CHRDL2: variants seen among roughly 807,000 people sequenced by gnomAD.
The protein encoded by CHRDL2 is chordin-like protein 2.
CHRDL2 carries 41 observed loss-of-function variants against 54.3 expected under a neutral mutation model. The observed-to-expected ratio is 0.76, with a 90% CI of 0.59 to 0.98. The LOEUF is 0.98. Among genes scored for constraint, CHRDL2 ranks in the 50% least tolerant of loss-of-function variants. The probability of loss-of-function intolerance (pLI) is 0.00; values close to 1 mark genes in which losing one functional copy is unlikely to be tolerated. For missense variants in CHRDL2, 518 were observed against 562.4 expected, an observed-to-expected ratio of 0.92 and a Z score of 0.80; for synonymous variants, 220 against 224.3, an observed-to-expected ratio of 0.98 and a Z score of 0.17.
intron 9 of CHRDL2, among the ~76,000 whole-genome samples, chr11:74,700,002 G>C (rs998288036): frequency 6.6e-6 from 1 of 152,234 alleles, no homozygotes; most frequent in Non-Finnish European, 1.5e-5. Flanking sequence ...CATGAGCTAT[G>C]CCCCCACTGT....
chr11:74,701,325 A>C (rs2033800757), intron 9 of CHRDL2: 1 of 389,564 alleles, frequency 2.6e-6, no homozygotes, highest in Non-Finnish European at 4.6e-6. Context: ...GTCTGGATTC[A>C]AACTGGCAGA....
chr11:74,708,484 G>T, intron 4 of CHRDL2, 89 bp from the exon 5 acceptor site: 1 of 967,326 alleles, frequency 1.0e-6, no homozygotes, highest in Non-Finnish European at 1.5e-6. Context: ...GGGAGCAAAT[G>T]GCCTTGAGGT....
Position 74,696,467 on chromosome 11 carries a change from A to T in CHRDL2, c.*42T>A. The T allele has an allele frequency of 2.0e-6, 3 of 1,485,412 alleles. No individual in the cohort carries two copies. Among genetic ancestry groups the T allele is most frequent in the Non-Finnish European group, 2.8e-6 (3 of 1,064,096 alleles). 92.0% of individuals were successfully genotyped at this position (1,485,412 alleles called of 1,614,324 possible). On this transcript the variant is annotated 3_prime_UTR_variant, in exon 11 of 11. Coordinates refer to ENST00000376332, the MANE Select transcript of CHRDL2 (RefSeq NM_001278473.3). ...ACTTCTTATTTATTAATATATAATAACAACAATTATACAGCTCATATCTGC... is the reference window on the plus strand; with the variant it reads ...ACTTCTTATTTATTAATATATAATATCAACAATTATACAGCTCATATCTGC...
intron 9 of CHRDL2, 130 bp downstream of exon 9, chr11:74,702,664 G>T (rs1355822943): frequency 3.7e-6 from 3 of 809,928 alleles, no homozygotes; most frequent in African/African-American, 1.7e-5. Flanking sequence ...GGAATCAGGG[G>T]CTCTTAAACC....
At chr11:74,730,048 T>C (rs2034627796) in intron 1 of CHRDL2, among the ~76,000 whole-genome samples, 1 of 152,140 alleles carries the variant, frequency 6.6e-6, no homozygotes, top group Non-Finnish European at 1.5e-5. Flanking sequence ...TCTCCTAGGA[T>C]TTTTACTTCC....
chr11:74,705,356 A>AG (rs927958882), intron 6 of CHRDL2, among the ~76,000 whole-genome samples: 1 of 152,182 alleles, frequency 6.6e-6, no homozygotes, highest in African/African-American at 2.4e-5. Flanking sequence ...GGCAGGGACC[A>AG]GAGCCTATTA....
chr11:74,706,590 G>T, intron 5 of CHRDL2, 48 bp from the exon 6 acceptor site: 2 of 1,591,292 alleles, frequency 1.3e-6, no homozygotes, highest in African/African-American at 1.3e-5. Flanking sequence ...CCCCAGCCTT[G>T]CTGGCTAGAG....
chr11:74,713,346 G>C, intron 3 of CHRDL2, 40 bp downstream of exon 3: 1 of 1,565,054 alleles, frequency 6.4e-7, no homozygotes, highest in Non-Finnish European at 8.8e-7. Context: ...GGGAGTAGGA[G>C]AAAGGTCCAT....
intron 4 of CHRDL2, among the ~76,000 whole-genome samples, chr11:74,709,883 C>T (rs2034129141): frequency 6.6e-6 from 1 of 151,608 alleles, no homozygotes. Context: ...AGGGACTTCT[C>T]CTGCCAATTC....
rs750360392 is a variant in CHRDL2, at chr11:74,713,260, TTG to T, written c.289+124_289+125del. The T allele has an allele frequency of 5.2e-5, 39 of 755,964 alleles. No individual in the cohort carries two copies. In the Middle Eastern group the frequency reaches 7.4e-4, roughly 14 times the overall value. 46.8% of individuals were successfully genotyped at this position (755,964 alleles called of 1,614,324 possible). On this transcript the variant is annotated intron_variant, in intron 3 of 10. Coordinates refer to ENST00000376332, the MANE Select transcript of CHRDL2 (RefSeq NM_001278473.3). ...GGGATATTTCCTCCCTTGAGCACCT[TTG>T]TGTGTCTACACCTCTGATGGGTAGA... is the stretch of plus-strand genomic sequence containing the variant.
chr11:74,702,728 G>A, intron 9 of CHRDL2, 66 bp downstream of exon 9: 1 of 1,549,164 alleles, frequency 6.5e-7, no homozygotes, highest in Non-Finnish European at 8.9e-7. Flanking sequence ...GGCCCCTGTG[G>A]GGTCTGGGGC....
chr11:74,727,327 G>A (rs765011421), intron 1 of CHRDL2, among the ~76,000 whole-genome samples: 5 of 152,184 alleles, frequency 3.3e-5, no homozygotes, highest in Middle Eastern at 3.4e-3. Flanking sequence ...CCATGCCTGC[G>A]TCTAGGGTCC....
Position 74,718,831 on chromosome 11 carries a change from GC to G in CHRDL2, c.83del (p.Arg28ProfsTer28). 6.2e-7 allele frequency: 1 copy of G among 1,605,306 alleles called. No individual in the cohort carries two copies. Among genetic ancestry groups the G allele is most frequent in the South Asian group, 1.1e-5 (1 of 89,612 alleles). ...WFPLDSHARA[R>X]PDMFCLFHGK... ...CATGGAAAAGGCAGAACATGTCTGG[GC>G]CTGGCAAACCGACCAGTGCCATGTT... On this transcript the variant is annotated frameshift_variant and splice_region_variant, in exon 2 of 11. Transcript: ENST00000376332. LOFTEE classifies it high-confidence loss of function.
chr11:74,721,442 C>A (rs2034498377), intron 1 of CHRDL2, among the ~76,000 whole-genome samples: 1 of 152,176 alleles, frequency 6.6e-6, no homozygotes, highest in Non-Finnish European at 1.5e-5. Context: ...GGCCCCTTCC[C>A]CCCACCAACA....
intron 2 of CHRDL2, among the ~76,000 whole-genome samples, chr11:74,717,081 G>A (rs185581889): frequency 4.0e-5 from 6 of 150,174 alleles, no homozygotes; most frequent in Non-Finnish European, 7.4e-5. Flanking sequence ...GTGCCAGAGC[G>A]AGACCCTGTC....
chr11:74,696,554 C>T lies in CHRDL2; in HGVS notation c.1245G>A (p.Leu415=), dbSNP rs749279858. 10 of 1,613,980 alleles carry T rather than the reference C, an allele frequency of 6.2e-6. No homozygotes were observed. Among genetic ancestry groups the T allele is most frequent in the African/African-American group, 1.3e-5 (1 of 74,932 alleles). Residue 415 remains leucine (L), a synonymous_variant, in exon 11 of 11, where the codon CTG becomes CTA. Coordinates refer to ENST00000376332, the MANE Select transcript of CHRDL2 (RefSeq NM_001278473.3). The part of the protein sequence containing the change: ...GHWNVFLAQT[L]ELKVTASPDK... ...CTGGACTGGCCGTGACCTTCAGCTC[C>T]AGGGTCTGGGCTAGGAAGACGTTCC...
intron 9 of CHRDL2, chr11:74,697,841 A>G (rs561572232): frequency 8.0e-4 from 248 of 310,256 alleles, no homozygotes; most frequent in South Asian, 1.5e-3. Flanking sequence ...TGGCTGGCTC[A>G]TGTGAACTGG....
At chr11:74,696,618 G>A (rs184393291) in intron 10 of CHRDL2, 33 bp from the exon 11 acceptor site, 13 of 1,491,878 alleles carry the variant, frequency 8.7e-6, no homozygotes, top group African/African-American at 6.9e-5. Flanking sequence ...GGGAAGAGGC[G>A]TATGTGTCTG....
chr11:74,715,127 C>A lies in CHRDL2; in HGVS notation c.196-1648G>T, dbSNP rs574224988. Among the ~76,000 whole-genome samples the A allele has an allele frequency of 2.6e-5, 4 of 152,318 alleles. No individual in the cohort carries two copies. The South Asian group carries it at 8.3e-4, about 32-fold the overall frequency. ...AAGCATGTAAAAACTGTCACCAGGG[C>A]CCGTGTACTTTCCACGATGCTGAGC... is the stretch of plus-strand genomic sequence containing the variant. On this transcript the variant is annotated intron_variant, in intron 2 of 10. Coordinates refer to ENST00000376332, the MANE Select transcript of CHRDL2 (RefSeq NM_001278473.3).
Sources: allele counts gnomAD v4.1 joint callset (sites outside exome capture counted in the v4.1 genomes callset), GRCh38; gene constraint gnomAD v4.1.1; transcripts MANE v1.5; gene names NCBI Gene and HGNC (gene_info 2026-07-23, HGNC 2026-07-21).